The following COP1 variants were observed in gnomAD, a reference collection of about 807,000 sequenced individuals.
COP1 encodes COP1 E3 ubiquitin ligase, also known as E3 ubiquitin-protein ligase COP1.
COP1 carries 24 observed loss-of-function variants against 101.3 expected under a neutral mutation model. The ratio of observed to expected loss-of-function variants is 0.24; its 90% confidence interval spans 0.17 to 0.33. COP1 has a LOEUF of 0.33. COP1 is among the 10% of genes least tolerant of loss of function. COP1 has a pLI of 1.00. For synonymous variants in COP1, 347 were observed against 341.9 expected (o/e 1.01, Z -0.17); for missense variants, 663 against 906.2 (o/e 0.73, Z 3.45).
intron 11 of COP1, among the ~76,000 whole-genome samples, chr1:176,052,521 A>G (rs1006621815): frequency 5.3e-5 from 8 of 152,140 alleles, no homozygotes; most frequent in African/African-American, 1.9e-4. Context: ...TATTCATATA[A>G]TTCTCCCCAT....
At position 176,207,211 on chromosome 1, in the gene COP1, G is replaced by A. The variant is rs970765169; in HGVS notation, c.-233C>T. 11 of 402,038 alleles carry A rather than the reference G, an allele frequency of 2.7e-5. No homozygotes were observed. Among genetic ancestry groups the A allele is most frequent in the Middle Eastern group, 6.2e-4 (1 of 1,616 alleles). The allele number at this position is 402,038 out of a possible 1,614,324, so 24.9% of individuals were successfully genotyped here. The stretch of plus-strand genomic sequence containing the variant: ...GAGTAGAAGGCACTACCGCTGTCGA[G>A]GCCGCCGCCGCCACCGCGGTCCCTG... On this transcript the variant is annotated 5_prime_UTR_variant, in exon 1 of 20. Coordinates refer to ENST00000367669, the MANE Select transcript of COP1 (RefSeq NM_022457.7).
chr1:176,067,109 GCCATATATTAGTCCAAAC>G (rs1676129144), intron 11 of COP1, among the ~76,000 whole-genome samples: 1 of 152,120 alleles, frequency 6.6e-6, no homozygotes, highest in South Asian at 2.1e-4. Context: ...GTAGATATAT[GCCATATATTAGTCCAAAC>G]CCATAGAATA....
intron 3 of COP1, among the ~76,000 whole-genome samples, chr1:176,168,108 A>T (rs1287007985): frequency 1.3e-5 from 2 of 150,990 alleles, no homozygotes; most frequent in African/African-American, 4.9e-5. Flanking sequence ...CCCAGGCTGG[A>T]GTGCAATGGT....
At chr1:176,100,486 A>C in intron 9 of COP1, 1 of 151,962 alleles carries the variant, frequency 6.6e-6, no homozygotes, top group South Asian at 2.1e-4. Context: ...TGTTATTTTT[A>C]AGTGTTTGCC....
intron 14 of COP1, among the ~76,000 whole-genome samples, chr1:176,028,834 G>C (rs1230997236): frequency 1.3e-5 from 2 of 150,432 alleles, no homozygotes; most frequent in Non-Finnish European, 3.0e-5. Flanking sequence ...CCTCACTTCA[G>C]GCAGCCTCTA....
chr1:176,105,338 A>G (rs1443345595), intron 9 of COP1, among the ~76,000 whole-genome samples: 1 of 152,218 alleles, frequency 6.6e-6, no homozygotes, highest in Non-Finnish European at 1.5e-5. Flanking sequence ...CTGTATTTCA[A>G]AGAAATATCA....
intron 9 of COP1, among the ~76,000 whole-genome samples, chr1:176,101,031 T>C (rs143960906): frequency 6.6e-6 from 1 of 152,252 alleles, no homozygotes; most frequent in Non-Finnish European, 1.5e-5. Context: ...TCCCATTGCA[T>C]AGATAAAGGT....
chr1:175,969,005 GAGCTCCTCTGAGC>G (rs1304581817), intron 18 of COP1, among the ~76,000 whole-genome samples: 2 of 152,184 alleles, frequency 1.3e-5, no homozygotes, highest in African/African-American at 2.4e-5. Context: ...ATACTGAGAA[GAGCTCCTCTGAGC>G]ATAGAACCGT....
intron 12 of COP1, among the ~76,000 whole-genome samples, chr1:176,045,424 A>G (rs947273453): frequency 1.3e-5 from 2 of 152,126 alleles, no homozygotes; most frequent in African/African-American, 4.8e-5. Context: ...TAACAAACAT[A>G]CTATGTATGC....
chr1:176,205,624 T>G (rs984563439), intron 1 of COP1, among the ~76,000 whole-genome samples: 2 of 152,256 alleles, frequency 1.3e-5, no homozygotes, highest in Non-Finnish European at 2.9e-5. Flanking sequence ...CTAACAGCAA[T>G]TACTTCTCAT....
At chr1:176,172,099 A>C (rs2101875338) in intron 3 of COP1, among the ~76,000 whole-genome samples, 1 of 152,204 alleles carries the variant, frequency 6.6e-6, no homozygotes, top group East Asian at 1.9e-4. Context: ...CCCAGGCTGG[A>C]GTGGAATGGT....
rs144812780 is a variant in COP1, at chr1:175,969,308, T to A, written c.2133+17635A>T. On this transcript the variant is annotated intron_variant, in intron 18 of 19. Coordinates refer to ENST00000367669, the MANE Select transcript of COP1 (RefSeq NM_022457.7). ...AACACACTACCTCCAAATAGTCACC[T>A]TGGTATTTGAAAAAACAGCAGAAGC... 1.3e-3 allele frequency among the ~76,000 whole-genome samples: 200 copies of A among 152,282 alleles called. 2 individuals are homozygous for A. The East Asian group carries it at 0.017, about 13-fold the overall frequency.
At chr1:176,110,980 C>T (rs1685182285) in intron 9 of COP1, among the ~76,000 whole-genome samples, 1 of 152,000 alleles carries the variant, frequency 6.6e-6, no homozygotes, top group African/African-American at 2.4e-5. Flanking sequence ...GGTGAAACCC[C>T]GTCTCTACTA....
chr1:176,009,767 C>A (rs748104913), intron 15 of COP1, among the ~76,000 whole-genome samples: 1 of 149,848 alleles, frequency 6.7e-6, no homozygotes, highest in Non-Finnish European at 1.5e-5. Flanking sequence ...AGAATTTGTT[C>A]TGAGTTATAG....
At chr1:176,127,603 G>A (rs72715111) in intron 8 of COP1, among the ~76,000 whole-genome samples, 142 of 14,314 alleles carry the variant, frequency 9.9e-3, no homozygotes, top group East Asian at 0.017. Flanking sequence ...GTGTATATAT[G>A]TGTGTGTGTG....
chr1:175,999,636 A>C (rs1661114863), intron 15 of COP1, among the ~76,000 whole-genome samples: 1 of 152,074 alleles, frequency 6.6e-6, no homozygotes, highest in South Asian at 2.1e-4. Flanking sequence ...CAGCAGTGGG[A>C]CTGCTGGGTA....
intron 14 of COP1, among the ~76,000 whole-genome samples, chr1:176,028,696 C>CATATATATAT (rs369887649): frequency 0.038 from 1,796 of 47,794 alleles, 153 homozygotes; most frequent in East Asian, 0.1. Context: ...ATATTTGTTT[C>CATATATATAT]ATATATATAT....
rs988116195 is a variant in COP1, at chr1:176,035,362, G to A, written c.1613-7674C>T. ...CAATATAAATTACCCAACCTGAAGA[G>A]AAAAAAATATTGACAAGAAAAAGAA... On this transcript the variant is annotated intron_variant, in intron 14 of 19. Transcript: ENST00000367669. 2.7e-5 allele frequency among the ~76,000 whole-genome samples: 4 copies of A among 150,584 alleles called. No individual in the cohort carries two copies. In the South Asian group the frequency reaches 8.4e-4, roughly 32 times the overall value.
rs1458324809 is a variant in COP1 at position 175,958,669 on chromosome 1, A to G, written c.2134-11430T>C. ...TAAATTGATGACTTCCCTCAGAATG[A>G]GAATAAATAATGTTATAGAAAAAAG... is the stretch of plus-strand genomic sequence containing the variant. On this transcript the variant is annotated intron_variant, in intron 18 of 19. Transcript: ENST00000367669. Among the ~76,000 whole-genome samples, 12 of 137,502 alleles carry G rather than the reference A, an allele frequency of 8.7e-5. No individual in the cohort carries two copies. The East Asian group carries it at 3.1e-3, about 36-fold the overall frequency. The allele number at this position is 137,502 out of a possible 152,430, so 90.2% of individuals were successfully genotyped here.
Sources: allele counts gnomAD v4.1 joint callset (sites outside exome capture counted in the v4.1 genomes callset), GRCh38; gene constraint gnomAD v4.1.1; transcripts MANE v1.5; gene names NCBI Gene and HGNC (gene_info 2026-07-23, HGNC 2026-07-21).